The following PCDHA13 variants were observed in gnomAD, a reference collection of about 807,000 sequenced individuals.
PCDHA13 encodes the protein protocadherin alpha-13.
A neutral mutation model predicts 64.8 loss-of-function variants in PCDHA13; 54 were observed. That is an observed-to-expected ratio of 0.83 (90% CI 0.67 to 1.04). The LOEUF (loss-of-function observed/expected upper bound fraction) is 1.04. PCDHA13 is among the 50% of genes least tolerant of loss of function. The pLI, the probability that PCDHA13 is intolerant of heterozygous loss-of-function variation, is 0.00. For missense variants in PCDHA13, 1,248 were observed against 1,254.3 expected (o/e 0.99, Z 0.08); for synonymous variants, 587 against 564.4 (o/e 1.04, Z -0.57).
intron 1 of PCDHA13, among the ~76,000 whole-genome samples, chr5:140,974,881 C>A (rs191346198): frequency 6.6e-6 from 1 of 152,228 alleles, no homozygotes; most frequent in African/African-American, 2.4e-5. Flanking sequence ...GTCTATGTAT[C>A]CCTTTTCTGA....
At position 140,982,581 on chromosome 5, in the gene PCDHA13, C is replaced by CT. The variant is rs782248594; in HGVS notation, c.2542+19dup. 2.4e-5 allele frequency: 38 copies of CT among 1,612,216 alleles called. No homozygotes were observed. The Middle Eastern group carries it at 5.0e-4, about 21-fold the overall frequency. ...AACACCAGGTAAAGAGCTGGGGTCT[C>CT]TCCATTCTTTCTTGGTTTCTGGAAA... On this transcript the variant is annotated intron_variant, in intron 3 of 3. Transcript: ENST00000289272.
rs782420685 is a variant in PCDHA13, at chr5:140,978,941, T to G, written c.2395-8T>G. 1 of 1,614,158 alleles carries G rather than the reference T, an allele frequency of 6.2e-7. No homozygotes were observed. The highest frequency in any genetic ancestry group is 2.2e-5 in the East Asian group (1 of 44,880). On this transcript the variant is annotated splice_region_variant and splice_polypyrimidine_tract_variant and intron_variant, in intron 1 of 3. Transcript: ENST00000289272. ...TTTTAACAGAAAACTCTCTTTGTGA[T>G]TTTGCAGCCACGACAGCCCAACCCT...
intron 1 of PCDHA13, among the ~76,000 whole-genome samples, chr5:140,897,960 T>C (rs2066423336): frequency 6.6e-6 from 1 of 152,276 alleles, no homozygotes; most frequent in South Asian, 2.1e-4. Flanking sequence ...CATTTTTTCA[T>C]GTGTCTTTTG....
chr5:140,935,405 A>G (rs1554210493), intron 1 of PCDHA13, among the ~76,000 whole-genome samples: 1 of 152,248 alleles, frequency 6.6e-6, no homozygotes, highest in Non-Finnish European at 1.5e-5. Context: ...GGACTCAAAC[A>G]ATGGACTTAG....
At chr5:140,967,845 A>G in intron 1 of PCDHA13, 3 of 1,614,160 alleles carry the variant, frequency 1.9e-6, no homozygotes, top group Non-Finnish European at 2.5e-6. Flanking sequence ...GACGTGAATG[A>G]CAATGCCCCA....
At chr5:140,897,240 A>T (rs1475170855) in intron 1 of PCDHA13, among the ~76,000 whole-genome samples, 5 of 151,908 alleles carry the variant, frequency 3.3e-5, no homozygotes, top group Non-Finnish European at 5.9e-5. Flanking sequence ...TGTGCAGGTT[A>T]GTTACATATG....
At position 140,942,403 on chromosome 5, in the gene PCDHA13, T is replaced by A. The variant is rs184466711; in HGVS notation, c.2395-36546T>A. Among the ~76,000 whole-genome samples the A allele has an allele frequency of 2.8e-3, 421 of 151,284 alleles. 2 individuals are homozygous for A. The highest frequency in any genetic ancestry group is 0.014 in the Middle Eastern group (4 of 294). The stretch of plus-strand genomic sequence containing the variant: ...TTCCAGCCTGGGCGACAGATGAGAC[T>A]CTGTTTAAAAAAAAAAAAGATATCT... On this transcript the variant is annotated intron_variant, in intron 1 of 3. Transcript: ENST00000289272.
At position 140,882,535 on chromosome 5, in the gene PCDHA13, G is replaced by A. The variant is rs2059175245; in HGVS notation, c.267G>A (p.Arg89=). The A allele has an allele frequency of 2.5e-6, 4 of 1,614,232 alleles. No individual in the cohort carries two copies. Among genetic ancestry groups the A allele is most frequent in the East Asian group, 2.2e-5 (1 of 44,890 alleles). Residue 89 remains arginine, a synonymous_variant, in exon 1 of 4, where the codon CGG becomes CGA. Coordinates refer to ENST00000289272, the MANE Select transcript of PCDHA13 (RefSeq NM_018904.3). Reference sequence around the variant, plus strand: ...ATGGCATTTTGTTTGTGAATTCTCGGATCGACCGCGAGGAGCTGTGTGGGC... The same window carrying A: ...ATGGCATTTTGTTTGTGAATTCTCGAATCGACCGCGAGGAGCTGTGTGGGC... ...LQNGILFVNS[R]IDREELCGRS... is the part of the protein sequence containing the mutation.
At chr5:140,966,753 C>T in intron 1 of PCDHA13, 1 of 1,433,176 alleles carries the variant, frequency 7.0e-7, no homozygotes, top group South Asian at 1.5e-5. Context: ...CTGCCTCCGC[C>T]GCGGCCAGTG....
rs565339027 is a variant in PCDHA13, at chr5:141,010,492, C to G, written c.*555C>G. ...AGGGGAAGTGTAAACTTAAAGGGAC[C>G]AGACTTTCTAAATCTTACAACTCAA... On this transcript the variant is annotated 3_prime_UTR_variant, in exon 4 of 4. Transcript: ENST00000289272. 28 of 628,626 alleles carry G rather than the reference C, an allele frequency of 4.5e-5. No homozygotes were observed. Among genetic ancestry groups the G allele is most frequent in the Admixed American group, 1.7e-4 (5 of 29,282 alleles). 38.9% of individuals were successfully genotyped at this position (628,626 alleles called of 1,614,324 possible).
chr5:140,959,835 C>T (rs1554224346), intron 1 of PCDHA13, among the ~76,000 whole-genome samples: 2 of 152,042 alleles, frequency 1.3e-5, no homozygotes, highest in East Asian at 1.9e-4. Flanking sequence ...ATGTATTATG[C>T]CTGTAACTGC....
chr5:140,927,702 C>A lies in PCDHA13; in HGVS notation c.2394+43040C>A, dbSNP rs533775539. ...AAGGGTCCAATGGGGAAGTCCAGTACTCCCTAAGCAACAGCACGCAAGCAG... is the reference window on the plus strand; with the variant it reads ...AAGGGTCCAATGGGGAAGTCCAGTAATCCCTAAGCAACAGCACGCAAGCAG... On this transcript the variant is annotated intron_variant, in intron 1 of 3. Coordinates refer to ENST00000289272, the MANE Select transcript of PCDHA13 (RefSeq NM_018904.3). 6.8e-6 allele frequency: 11 copies of A among 1,614,092 alleles called. 1 individual carries two copies. The South Asian group carries it at 1.2e-4, about 18-fold the overall frequency.
At chr5:140,969,294 T>C in intron 1 of PCDHA13, 2 of 1,614,212 alleles carry the variant, frequency 1.2e-6, no homozygotes, top group Non-Finnish European at 1.7e-6. Context: ...GCTGGGAACC[T>C]GATTATTCTC....
intron 1 of PCDHA13, among the ~76,000 whole-genome samples, chr5:140,934,465 A>G (rs1313806464): frequency 1.3e-5 from 2 of 152,152 alleles, no homozygotes; most frequent in African/African-American, 4.8e-5. Context: ...ATGTTTTAAC[A>G]TTATTTTGAA....
chr5:140,985,505 T>C (rs2097155238), intron 3 of PCDHA13, among the ~76,000 whole-genome samples: 1 of 152,188 alleles, frequency 6.6e-6, no homozygotes, highest in Non-Finnish European at 1.5e-5. Flanking sequence ...CTGCCTTTCA[T>C]TGATTCTGTT....
chr5:140,954,025 C>A (rs533473552), intron 1 of PCDHA13, among the ~76,000 whole-genome samples: 1 of 152,072 alleles, frequency 6.6e-6, no homozygotes, highest in African/African-American at 2.4e-5. Context: ...CATAGTGGGA[C>A]GATGTGGTAT....
rs376026810 is a variant in PCDHA13 at position 140,944,280 on chromosome 5, C to T, written c.2395-34669C>T. 2.0e-4 allele frequency among the ~76,000 whole-genome samples: 31 copies of T among 152,226 alleles called. 1 individual carries two copies. The South Asian group carries it at 2.9e-3, about 14-fold the overall frequency. Reference sequence around the variant, plus strand: ...ACTGCTCACTGCAGCCTTGACACCCCGGGCTCAAGCGATCCTCCTACCTCA... The same window carrying T: ...ACTGCTCACTGCAGCCTTGACACCCTGGGCTCAAGCGATCCTCCTACCTCA... On this transcript the variant is annotated intron_variant, in intron 1 of 3. Coordinates refer to ENST00000289272, the MANE Select transcript of PCDHA13 (RefSeq NM_018904.3).
chr5:140,915,553 A>T (rs1317422262), intron 1 of PCDHA13, among the ~76,000 whole-genome samples: 1 of 152,156 alleles, frequency 6.6e-6, no homozygotes, highest in African/African-American at 2.4e-5. Context: ...AATAAGATCC[A>T]GAATGATTAT....
At chr5:140,966,246 G>A (rs184430396) in intron 1 of PCDHA13, 1 of 319,412 alleles carries the variant, frequency 3.1e-6, no homozygotes, top group East Asian at 5.0e-5. Flanking sequence ...TTAAGCAGGG[G>A]AGAGACGGTG....
Sources: allele counts gnomAD v4.1 joint callset (sites outside exome capture counted in the v4.1 genomes callset), GRCh38; gene constraint gnomAD v4.1.1; transcripts MANE v1.5; gene names NCBI Gene and HGNC (gene_info 2026-07-23, HGNC 2026-07-21).